The following TRHDE variants were observed in gnomAD, a reference collection of about 807,000 sequenced individuals.
TRHDE encodes thyrotropin-releasing hormone-degrading ectoenzyme.
A neutral mutation model predicts 125.7 loss-of-function variants in TRHDE; 72 were observed. The observed-to-expected ratio is 0.57, with a 90% CI of 0.47 to 0.70. TRHDE has a LOEUF of 0.70. TRHDE is among the 30% of genes least tolerant of loss of function. TRHDE has a pLI of 0.00. For synonymous variants in TRHDE, 509 were observed against 509.1 expected (o/e 1.00, Z 0.00); for missense variants, 1,110 against 1,327.1 (o/e 0.84, Z 2.54).
Position 72,500,807 on chromosome 12 carries a change from A to AAAAATATTT in TRHDE, c.1722+1173_1722+1181dup, listed in dbSNP as rs1202152824. ...AAGCATTTATTGTAGTGAACACACA[A>AAAAATATTT]AAAATATTTTGGTTGGGTCCTGTTA... On this transcript the variant is annotated intron_variant, in intron 6 of 18. Coordinates refer to ENST00000261180, the MANE Select transcript of TRHDE (RefSeq NM_013381.3). Among the ~76,000 whole-genome samples the AAAAATATTT allele has an allele frequency of 5.3e-5, 8 of 152,006 alleles. No homozygotes were observed. In the East Asian group the frequency reaches 1.4e-3, roughly 26 times the overall value.
chr12:72,402,226 G>A lies in TRHDE; in HGVS notation c.1315+24105G>A, dbSNP rs559529357. On this transcript the variant is annotated intron_variant, in intron 3 of 18. Transcript: ENST00000261180. Reference sequence around the variant, plus strand: ...CATGTTGGAAGAAGAATTGTTTTGGGTCACACATGAAATTCACTAACACTA... The same window carrying A: ...CATGTTGGAAGAAGAATTGTTTTGGATCACACATGAAATTCACTAACACTA... 2.0e-5 allele frequency among the ~76,000 whole-genome samples: 3 copies of A among 151,826 alleles called. No homozygotes were observed. In the East Asian group the frequency reaches 5.8e-4, roughly 29 times the overall value.
At chr12:72,585,048 A>G (rs565441070) in intron 12 of TRHDE, among the ~76,000 whole-genome samples, 2 of 152,230 alleles carry the variant, frequency 1.3e-5, no homozygotes. Flanking sequence ...TTAACTGACT[A>G]CTATTATCTG....
intron 3 of TRHDE, among the ~76,000 whole-genome samples, chr12:72,395,830 A>G (rs958414297): frequency 6.6e-6 from 1 of 152,204 alleles, no homozygotes; most frequent in Non-Finnish European, 1.5e-5. Flanking sequence ...CTATTCTCCA[A>G]GAAAACAATC....
At chr12:72,637,572 T>C (rs1873819910) in intron 15 of TRHDE, among the ~76,000 whole-genome samples, 1 of 152,096 alleles carries the variant, frequency 6.6e-6, no homozygotes, top group Non-Finnish European at 1.5e-5. Context: ...CTGTTGCTTT[T>C]CTAGTTCTTT....
intron 2 of TRHDE, among the ~76,000 whole-genome samples, chr12:72,123,183 T>A (rs1875631816): frequency 6.6e-6 from 1 of 152,138 alleles, no homozygotes; most frequent in Non-Finnish European, 1.5e-5. Flanking sequence ...TAGAATGAAC[T>A]GAATTTAATC....
intron 1 of TRHDE, among the ~76,000 whole-genome samples, chr12:72,280,530 A>T (rs1879659559): frequency 6.6e-6 from 1 of 152,106 alleles, no homozygotes; most frequent in Non-Finnish European, 1.5e-5. Context: ...AGAAGGTGGG[A>T]AGGAAGAAGA....
intron 3 of TRHDE, among the ~76,000 whole-genome samples, chr12:72,410,871 A>T (rs1216311749): frequency 2.1e-5 from 3 of 142,486 alleles, no homozygotes; most frequent in African/African-American, 7.5e-5. Flanking sequence ...ATAAGCAGAT[A>T]AAAAAAAAAA....
At chr12:72,320,599 G>C (rs1270190348) in intron 2 of TRHDE, among the ~76,000 whole-genome samples, 1 of 149,098 alleles carries the variant, frequency 6.7e-6, no homozygotes, top group East Asian at 2.0e-4. Context: ...TAACAGAATT[G>C]CGTTGGCTCT....
chr12:72,654,654 C>A (rs993042466), intron 17 of TRHDE, among the ~76,000 whole-genome samples: 21 of 152,232 alleles, frequency 1.4e-4, no homozygotes, highest in African/African-American at 4.6e-4. Flanking sequence ...TTGTAGCCAT[C>A]CACCAATTGC....
chr12:72,275,153 G>C (rs968504733), intron 1 of TRHDE, among the ~76,000 whole-genome samples: 1 of 152,236 alleles, frequency 6.6e-6, no homozygotes, highest in Non-Finnish European at 1.5e-5. Context: ...CTTGTCAGTG[G>C]AGAGTTAGGA....
chr12:72,452,480 C>A (rs1875627452), intron 3 of TRHDE, among the ~76,000 whole-genome samples: 1 of 152,100 alleles, frequency 6.6e-6, no homozygotes, highest in Non-Finnish European at 1.5e-5. Flanking sequence ...ACTATGTTTA[C>A]TGGAAGTGAC....
intron 3 of TRHDE, among the ~76,000 whole-genome samples, chr12:72,412,317 T>A (rs113546633): frequency 9.9e-5 from 15 of 152,270 alleles, no homozygotes; most frequent in African/African-American, 3.4e-4. Context: ...ATGGTCAATG[T>A]GTATATAAAA....
chr12:72,189,076 A>T (rs1379893598), intron 2 of TRHDE, among the ~76,000 whole-genome samples: 1 of 152,256 alleles, frequency 6.6e-6, no homozygotes, highest in African/African-American at 2.4e-5. Flanking sequence ...GAAAAGAAAG[A>T]ATGAATAAAT....
chr12:72,509,748 A>G (rs1213910957), intron 6 of TRHDE, among the ~76,000 whole-genome samples: 1 of 152,162 alleles, frequency 6.6e-6, no homozygotes, highest in East Asian at 1.9e-4. Context: ...GCAGAGATCT[A>G]TGTCTAGGTT....
intron 6 of TRHDE, among the ~76,000 whole-genome samples, chr12:72,523,276 A>C (rs1012524266): frequency 4.7e-4 from 71 of 152,088 alleles, no homozygotes; most frequent in Non-Finnish European, 1.2e-4. Context: ...AAGGTGCTAG[A>C]TTACCAGGTA....
At chr12:72,606,778 T>C (rs1380792863) in intron 12 of TRHDE, among the ~76,000 whole-genome samples, 1 of 152,162 alleles carries the variant, frequency 6.6e-6, no homozygotes, top group Admixed American at 6.5e-5. Flanking sequence ...TCATTTTGCA[T>C]CAACAATTGT....
At chr12:72,661,027 G>A (rs1260303335) in intron 18 of TRHDE, among the ~76,000 whole-genome samples, 1 of 152,108 alleles carries the variant, frequency 6.6e-6, no homozygotes, top group African/African-American at 2.4e-5. Context: ...TAGAAAGTAG[G>A]CCAGATGTGT....
intron 3 of TRHDE, among the ~76,000 whole-genome samples, chr12:72,433,207 T>C (rs1285471205): frequency 6.6e-6 from 1 of 152,174 alleles, no homozygotes; most frequent in African/African-American, 2.4e-5. Context: ...TGCTAGCATG[T>C]TGATGATGAT....
chr12:72,568,804 ATATAG>A (rs1195540938), intron 10 of TRHDE, 148 bp downstream of exon 10: 10 of 494,774 alleles, frequency 2.0e-5, no homozygotes, highest in South Asian at 4.5e-5. Context: ...ATAAAATTAG[ATATAG>A]TATAGTTTCT....
Sources: gnomAD v4.1 joint callset for allele counts (sites outside exome capture counted in the v4.1 genomes callset) on GRCh38, gnomAD v4.1.1 for gene constraint, MANE v1.5 for transcripts, NCBI Gene and HGNC (gene_info 2026-07-23, HGNC 2026-07-21) for gene names.